ZYG11B: variants seen among roughly 807,000 people sequenced by gnomAD.
ZYG11B encodes the protein zyg-11 family member B, cell cycle regulator.
Under a neutral mutation model 82.4 loss-of-function variants are expected in ZYG11B, and 36 were observed. The ratio of observed to expected loss-of-function variants is 0.44; its 90% CI spans 0.33 to 0.58. The LOEUF (loss-of-function observed/expected upper bound fraction) is 0.58, where lower values mean the gene tolerates loss of function less well. Among genes scored for constraint, ZYG11B ranks in the 20% least tolerant of loss-of-function variants. The pLI is 0.02. For missense variants in ZYG11B, 552 were observed against 895.6 expected (o/e 0.62, Z 4.90); for synonymous variants, 303 against 312.8 (o/e 0.97, Z 0.33).
At chr1:52,733,059 C>T (rs1644347478) in intron 1 of ZYG11B, among the ~76,000 whole-genome samples, 1 of 152,126 alleles carries the variant, frequency 6.6e-6, no homozygotes, top group Non-Finnish European at 1.5e-5. Context: ...TATACAAAGA[C>T]AGAATTATTT....
Position 52,824,870 on chromosome 1 carries a change from AAT to A in ZYG11B, c.*3245_*3246del, listed in dbSNP as rs1223649778. ...CCTCCTTTTTGCACCTGTAGACTAG[AAT>A]ATAACTGTTATTGGTGCCTTTGAGT... On this transcript the variant is annotated 3_prime_UTR_variant, in exon 14 of 14. Transcript: ENST00000294353. 1 of 152,086 alleles carries A rather than the reference AAT, an allele frequency of 6.6e-6. No homozygotes were observed. The highest frequency in any genetic ancestry group is 1.5e-5 in the Non-Finnish European group (1 of 68,030). The allele number at this position is 152,086 out of a possible 1,614,324, so 9.4% of individuals were successfully genotyped here. A position where few individuals can be genotyped will look rare whatever the true frequency, so the allele number is the denominator to read the frequency against.
chr1:52,783,219 G>A (rs1160565061), intron 4 of ZYG11B, among the ~76,000 whole-genome samples: 1 of 152,140 alleles, frequency 6.6e-6, no homozygotes, highest in Non-Finnish European at 1.5e-5. Context: ...GAGCCACCAT[G>A]CCTGGCCAAG....
intron 1 of ZYG11B, among the ~76,000 whole-genome samples, chr1:52,742,735 G>C (rs1255502612): frequency 1.3e-5 from 2 of 151,702 alleles, no homozygotes; most frequent in Non-Finnish European, 1.5e-5. Context: ...CCAGCTTCTC[G>C]GGAGGCTGAG....
chr1:52,766,117 T>TA (rs1553259444), intron 2 of ZYG11B, among the ~76,000 whole-genome samples: 10 of 148,572 alleles, frequency 6.7e-5, no homozygotes, highest in East Asian at 3.9e-4. Context: ...AAATTTTTTT[T>TA]AAATTTTTTT....
chr1:52,797,265 TTA>T (rs1239550135), intron 8 of ZYG11B, among the ~76,000 whole-genome samples: 10 of 86,638 alleles, frequency 1.2e-4, no homozygotes, highest in African/African-American at 5.3e-4. Flanking sequence ...TATATTTATA[TTA>T]TATATAAAAT....
rs974841859 is a variant in ZYG11B, at chr1:52,726,466, T to C, written c.-188T>C. 4.2e-5 allele frequency: 21 copies of C among 496,646 alleles called. No individual in the cohort carries two copies. The highest frequency in any genetic ancestry group is 1.8e-4 in the Admixed American group (4 of 21,876). 30.8% of individuals were successfully genotyped at this position (496,646 alleles called of 1,614,324 possible). A position where few individuals can be genotyped will look rare whatever the true frequency, so the allele number is the denominator to read the frequency against. The stretch of plus-strand genomic sequence containing the variant: ...CCTCGCGGGGGCGGAGTCTGCGCTC[T>C]GGTTCGGGCTGCGGCTGCGGCTGCG... On this transcript the variant is annotated 5_prime_UTR_variant, in exon 1 of 14. Coordinates refer to ENST00000294353, the MANE Select transcript of ZYG11B (RefSeq NM_024646.3).
chr1:52,743,157 T>C (rs1023920239), intron 1 of ZYG11B, among the ~76,000 whole-genome samples: 15 of 152,118 alleles, frequency 9.9e-5, no homozygotes, highest in African/African-American at 3.4e-4. Context: ...AGATTGTTGC[T>C]GTGTCTGTGT....
At chr1:52,812,236 G>C (rs1346936474) in intron 10 of ZYG11B, among the ~76,000 whole-genome samples, 1 of 151,904 alleles carries the variant, frequency 6.6e-6, no homozygotes, top group Non-Finnish European at 1.5e-5. Flanking sequence ...TGTATGCCTG[G>C]TAATTTTTTT....
chr1:52,770,685 G>T (rs911155348), intron 2 of ZYG11B, among the ~76,000 whole-genome samples: 2 of 152,134 alleles, frequency 1.3e-5, no homozygotes, highest in Non-Finnish European at 2.9e-5. Flanking sequence ...TAGTGCATTG[G>T]CCAGAACTAG....
At chr1:52,820,839 G>A (rs1177701621) in intron 13 of ZYG11B, among the ~76,000 whole-genome samples, 2 of 151,758 alleles carry the variant, frequency 1.3e-5, no homozygotes, top group Non-Finnish European at 2.9e-5. Context: ...TATGGCTCAT[G>A]CCTGTAATTC....
chr1:52,762,762 A>G (rs1353168508), intron 2 of ZYG11B, among the ~76,000 whole-genome samples: 1 of 150,792 alleles, frequency 6.6e-6, no homozygotes, highest in Non-Finnish European at 1.5e-5. Context: ...TTGTATTTTT[A>G]GTAGAGACAG....
chr1:52,788,544 G>A (rs571677322), intron 5 of ZYG11B, among the ~76,000 whole-genome samples: 52 of 152,236 alleles, frequency 3.4e-4, no homozygotes, highest in African/African-American at 1.3e-3. Context: ...AGTGCTGTTG[G>A]GAGCCCAGGA....
intron 8 of ZYG11B, among the ~76,000 whole-genome samples, chr1:52,799,209 C>T (rs914015484): frequency 2.0e-5 from 3 of 151,762 alleles, no homozygotes; most frequent in East Asian, 1.9e-4. Flanking sequence ...AAAAATAGGC[C>T]GGGCATGGTG....
At chr1:52,738,985 C>CTTT (rs10643364) in intron 1 of ZYG11B, among the ~76,000 whole-genome samples, 2 of 106,308 alleles carry the variant, frequency 1.9e-5, no homozygotes, top group African/African-American at 4.0e-5. Context: ...GCCCTGTAAC[C>CTTT]TTTTTTTTTT....
chr1:52,742,068 G>A (rs985174043), intron 1 of ZYG11B, among the ~76,000 whole-genome samples: 2 of 152,114 alleles, frequency 1.3e-5, no homozygotes, highest in Non-Finnish European at 2.9e-5. Context: ...GTCACCCAAA[G>A]ATACAATAAA....
At chr1:52,754,384 A>G (rs1346619513) in intron 1 of ZYG11B, 1 of 151,208 alleles carries the variant, frequency 6.6e-6, no homozygotes, top group Non-Finnish European at 1.5e-5. Context: ...TTTATTTTAC[A>G]TTTATTTATT....
At chr1:52,757,893 A>G (rs1244701150) in intron 2 of ZYG11B, among the ~76,000 whole-genome samples, 2 of 151,752 alleles carry the variant, frequency 1.3e-5, no homozygotes, top group Non-Finnish European at 2.9e-5. Flanking sequence ...TGTTACTTCA[A>G]GTTTTAATTT....
At chr1:52,814,546 C>A (rs574922616) in intron 12 of ZYG11B, among the ~76,000 whole-genome samples, 2 of 152,222 alleles carry the variant, frequency 1.3e-5, no homozygotes, top group East Asian at 1.9e-4. Context: ...TGCCAAATGT[C>A]CATAGAATGT....
intron 2 of ZYG11B, among the ~76,000 whole-genome samples, chr1:52,761,887 T>C (rs1020946002): frequency 4.6e-5 from 7 of 152,140 alleles, no homozygotes; most frequent in Non-Finnish European, 1.0e-4. Context: ...GATAATACCT[T>C]GTTTTGATTT....
Sources: gnomAD v4.1 joint callset for allele counts (sites outside exome capture counted in the v4.1 genomes callset) on GRCh38, gnomAD v4.1.1 for gene constraint, MANE v1.5 for transcripts, NCBI Gene and HGNC (gene_info 2026-07-23, HGNC 2026-07-21) for gene names.